Variants in OR2T11 observed in about 807,000 individuals in gnomAD.
The protein encoded by OR2T11 is olfactory receptor 2T11.
In OR2T11, 14 loss-of-function variants were observed where a neutral mutation model predicts 13.5. That is an observed-to-expected ratio of 1.04 (90% CI 0.69 to 1.62). The LOEUF (loss-of-function observed/expected upper bound fraction) is 1.62. OR2T11 is among the 40% of genes most tolerant of loss of function. OR2T11 has a pLI of 0.00. For synonymous variants in OR2T11, 163 were observed against 154.6 expected (o/e 1.05, Z -0.40); for missense variants, 410 against 389.7 (o/e 1.05, Z -0.44).
At position 248,627,288 on chromosome 1, in the gene OR2T11, C is replaced by A; in HGVS notation, c.-144-16G>T. On this transcript the variant is annotated splice_polypyrimidine_tract_variant and intron_variant, in intron 1 of 1. Transcript: ENST00000641193. ...AGGCTAGAGGCTAGAGAAGAACAGG[C>A]AGACCAACATGCACATCATGAAGCA... is the stretch of plus-strand genomic sequence containing the variant. 1.8e-6 allele frequency: 1 copy of A among 568,192 alleles called. No individual in the cohort carries two copies. The highest frequency in any genetic ancestry group is 3.1e-6 in the Non-Finnish European group (1 of 324,274). The allele number at this position is 568,192 out of a possible 1,614,324, so 35.2% of individuals were successfully genotyped here. A position where few individuals can be genotyped will look rare whatever the true frequency, so the allele number is the denominator to read the frequency against.
At position 248,626,740 on chromosome 1, in the gene OR2T11, G is replaced by C. The variant is rs751532393; in HGVS notation, c.389C>G (p.Pro130Arg). ...YVAVCNPLRY[P>R]VLMNRKKCLL... is the part of the protein sequence containing the mutation. ...ACACTTCTTGCGGTTCATCAGGACT[G>C]GGTATCTCAGAGGGTTACAGACAGC... Residue 130 changes from proline to arginine, a missense_variant, in exon 2 of 2, where the codon CCA becomes CGA. By Grantham distance (103) the Pro-to-Arg change is moderately radical (BLOSUM62 -2). Transcript: ENST00000641193. The C allele has an allele frequency of 1.2e-5, 19 of 1,573,072 alleles. 2 individuals are homozygous for C. In the South Asian group the frequency reaches 1.9e-4, roughly 16 times the overall value.
chr1:248,623,689 G>C lies in OR2T11; in HGVS notation c.*2489C>G, dbSNP rs1398337687. ...ACTTTATTCACAAAGGAATAAGTTT[G>C]TAGTAGTAACAGCAGTTGCTGCTGT... On this transcript the variant is annotated 3_prime_UTR_variant, in exon 2 of 2. Transcript: ENST00000641193. 7.0e-6 allele frequency: 1 copy of C among 143,060 alleles called. No individual in the cohort carries two copies. The highest frequency in any genetic ancestry group is 1.5e-5 in the Non-Finnish European group (1 of 66,226). The allele number at this position is 143,060 out of a possible 1,614,324, so 8.9% of individuals were successfully genotyped here.
chr1:248,627,743 G>A lies in OR2T11; in HGVS notation c.-144-471C>T, dbSNP rs1425411411. Among the ~76,000 whole-genome samples, 5 of 142,866 alleles carry A rather than the reference G, an allele frequency of 3.5e-5. 1 individual carries two copies. The highest frequency in any genetic ancestry group is 6.8e-5 in the Admixed American group (1 of 14,674). The allele number at this position is 142,866 out of a possible 152,430, so 93.7% of individuals were successfully genotyped here. Reference sequence around the variant, plus strand: ...TGGAGTCTTGTCTTTTAGGGTAACCGTAAGTCAAATAGCGTAGGTTGTGCT... The same window carrying A: ...TGGAGTCTTGTCTTTTAGGGTAACCATAAGTCAAATAGCGTAGGTTGTGCT... On this transcript the variant is annotated intron_variant, in intron 1 of 1. Transcript: ENST00000641193.
Position 248,629,767 on chromosome 1 carries a change from C to T in OR2T11, c.-144-2495G>A, listed in dbSNP as rs1157341062. Among the ~76,000 whole-genome samples the T allele has an allele frequency of 7.1e-5, 10 of 140,586 alleles. 2 individuals are homozygous for T. The allele number at this position is 140,586 out of a possible 152,430, so 92.2% of individuals were successfully genotyped here. On this transcript the variant is annotated intron_variant, in intron 1 of 1. Transcript: ENST00000641193. The stretch of plus-strand genomic sequence containing the variant: ...GACGGTGGCTTCCTTGTCCTCTGTC[C>T]CCACTTTGCAAGAGCCCTGAGCCCA...
Position 248,626,766 on chromosome 1 carries a change from C to T in OR2T11, c.363G>A (p.Val121=), listed in dbSNP as rs199645456. 1 of 1,571,344 alleles carries T rather than the reference C, an allele frequency of 6.4e-7. No individual in the cohort carries two copies. Among genetic ancestry groups the T allele is most frequent in the Non-Finnish European group, 8.7e-7 (1 of 1,155,670 alleles). ...GGTATCTCAGAGGGTTACAGACAGC[C>T]ACGTAGCAGTCATAGGCCATGAGGC... ...LLGLMAYDCY[V]AVCNPLRYPV... is the part of the protein sequence containing the mutation. Residue 121 remains valine, a synonymous_variant, in exon 2 of 2, where the codon GTG becomes GTA. Transcript: ENST00000641193.
chr1:248,631,344 C>A (rs559439206), intron 1 of OR2T11, among the ~76,000 whole-genome samples: 1 of 143,808 alleles, frequency 7.0e-6, no homozygotes, highest in South Asian at 2.2e-4. Flanking sequence ...AACGTTTCCA[C>A]GTGCTCTTCA....
chr1:248,626,153 G>C lies in OR2T11; in HGVS notation c.*25C>G, dbSNP rs1892441. The C allele has an allele frequency of 0.97, 1,264,084 of 1,301,798 alleles. 621,788 individuals carry two copies. The highest frequency in any genetic ancestry group is 1 in the East Asian group (42,333 of 42,334). The allele number at this position is 1,301,798 out of a possible 1,614,324, so 80.6% of individuals were successfully genotyped here. On this transcript the variant is annotated 3_prime_UTR_variant, in exon 2 of 2. Transcript: ENST00000641193. Reference sequence around the variant, plus strand: ...GGCAAATGGAGGAAGTCCTTAGGAAGCCTTATCCTCTGGGCAGTGACTCTC... The same window carrying C: ...GGCAAATGGAGGAAGTCCTTAGGAACCCTTATCCTCTGGGCAGTGACTCTC...
chr1:248,628,142 C>A (rs28468647), intron 1 of OR2T11, among the ~76,000 whole-genome samples: 112,310 of 141,696 alleles, frequency 0.79, 49,599 homozygotes, highest in South Asian at 0.95. Flanking sequence ...CCAGCACTTA[C>A]CAGAACTGAG....
intron 1 of OR2T11, among the ~76,000 whole-genome samples, chr1:248,630,129 G>T (rs1420210042): frequency 7.0e-6 from 1 of 142,472 alleles, no homozygotes; most frequent in African/African-American, 2.8e-5. Context: ...TGCTTTTTAA[G>T]GAATACCTCT....
rs1660536805 is a variant in OR2T11, at chr1:248,627,084, C to CA, written c.44dup (p.Val16GlyfsTer4). 3 of 1,568,566 alleles carry CA rather than the reference C, an allele frequency of 1.9e-6. 1 individual carries two copies. In the East Asian group the frequency reaches 6.9e-5, roughly 36 times the overall value. ...CAATCCCGGCAGCCTCACTGTTCACCAGAAGCCCCAGGAGGGTGAAGTCAG... is the reference window on the plus strand; with the variant it reads ...CAATCCCGGCAGCCTCACTGTTCACCAAGAAGCCCCAGGAGGGTGAAGTCAG... On this transcript the variant is annotated frameshift_variant, in exon 2 of 2. Coordinates refer to ENST00000641193, the MANE Select transcript of OR2T11 (RefSeq NM_001001964.2). LOFTEE classifies it high-confidence loss of function.
Position 248,634,587 on chromosome 1 carries a change from CTGT to C in OR2T11, c.-145+448_-145+450del, listed in dbSNP as rs1450885387. On this transcript the variant is annotated intron_variant, in intron 1 of 1. Coordinates refer to ENST00000641193, the MANE Select transcript of OR2T11 (RefSeq NM_001001964.2). ...TTTTATCATTTGTGTGTGAATCAGCCTGTTGTTTTAACTAAATAACCTATCGAT... is the reference window on the plus strand; with the variant it reads ...TTTTATCATTTGTGTGTGAATCAGCCTGTTTTAACTAAATAACCTATCGAT... 3.7e-4 allele frequency among the ~76,000 whole-genome samples: 51 copies of C among 139,050 alleles called. 1 individual carries two copies. The highest frequency in any genetic ancestry group is 1.2e-3 in the African/African-American group (41 of 34,866). The allele number at this position is 139,050 out of a possible 152,430, so 91.2% of individuals were successfully genotyped here.
Position 248,626,741 on chromosome 1 carries a change from G to T in OR2T11, c.388C>A (p.Pro130Thr). 6.4e-7 allele frequency: 1 copy of T among 1,573,022 alleles called. No individual in the cohort carries two copies. Among genetic ancestry groups the T allele is most frequent in the Non-Finnish European group, 8.6e-7 (1 of 1,156,784 alleles). Residue 130 changes from proline (P) to threonine (T), a missense_variant, in exon 2 of 2, where the codon CCA becomes ACA. Coordinates refer to ENST00000641193, the MANE Select transcript of OR2T11 (RefSeq NM_001001964.2). ...YVAVCNPLRYPVLMNRKKCLL... is the reference protein window; with the variant it reads ...YVAVCNPLRYTVLMNRKKCLL... Reference sequence around the variant, plus strand: ...CACTTCTTGCGGTTCATCAGGACTGGGTATCTCAGAGGGTTACAGACAGCC... The same window carrying T: ...CACTTCTTGCGGTTCATCAGGACTGTGTATCTCAGAGGGTTACAGACAGCC...
In OR2T11 at chr1:248,626,563, G is replaced by A. The variant is rs779951510; in HGVS notation, c.566C>T (p.Thr189Met). 2.9e-5 allele frequency: 45 copies of A among 1,571,262 alleles called. 6 individuals are homozygous for A. Among genetic ancestry groups the A allele is most frequent in the Middle Eastern group, 1.7e-4 (1 of 5,996 alleles). ...GTACATCAGAGTTTCATACAAGGAC[G>A]TGTCTGCACAGGCCAGTTTCAGAAC... Reference protein sequence around the residue: ...PAVLKLACADTSLYETLMYIC... With the variant: ...PAVLKLACADMSLYETLMYIC... Residue 189 changes from threonine to methionine, a missense_variant, in exon 2 of 2, where the codon ACG becomes ATG. By Grantham distance (81) the Thr-to-Met change is moderately conservative (BLOSUM62 -1). Coordinates refer to ENST00000641193, the MANE Select transcript of OR2T11 (RefSeq NM_001001964.2).
chr1:248,624,076 T>C lies in OR2T11; in HGVS notation c.*2102A>G, dbSNP rs1222954567. 1.4e-5 allele frequency: 2 copies of C among 141,990 alleles called. No individual in the cohort carries two copies. Among genetic ancestry groups the C allele is most frequent in the Non-Finnish European group, 1.5e-5 (1 of 65,926 alleles). 8.8% of individuals were successfully genotyped at this position (141,990 alleles called of 1,614,324 possible). ...CTGACCTCCTGCTATTGTCACTGAG[T>C]TGGCCATGCTCTTACAAAAGTTCAA... On this transcript the variant is annotated 3_prime_UTR_variant, in exon 2 of 2. Transcript: ENST00000641193.
chr1:248,628,658 A>G lies in OR2T11; in HGVS notation c.-144-1386T>C, dbSNP rs1277622876. On this transcript the variant is annotated intron_variant, in intron 1 of 1. Transcript: ENST00000641193. Reference sequence around the variant, plus strand: ...TGCTGAAGTCATATCTGGTTTCACAAAGGTACCAGAATTGTTATGACCTTG... The same window carrying G: ...TGCTGAAGTCATATCTGGTTTCACAGAGGTACCAGAATTGTTATGACCTTG... Among the ~76,000 whole-genome samples the G allele has an allele frequency of 1.4e-5, 2 of 143,372 alleles. 1 individual carries two copies. The highest frequency in any genetic ancestry group is 5.5e-5 in the African/African-American group (2 of 36,418). The allele number at this position is 143,372 out of a possible 152,430, so 94.1% of individuals were successfully genotyped here. A position where few individuals can be genotyped will look rare whatever the true frequency, so the allele number is the denominator to read the frequency against.
rs571242997 is a variant in OR2T11, at chr1:248,624,522, TTTC to T, written c.*1653_*1655del. 117 of 143,580 alleles carry T rather than the reference TTTC, an allele frequency of 8.1e-4. 25 individuals carry two copies. The highest frequency in any genetic ancestry group is 3.0e-3 in the African/African-American group (111 of 36,532). 8.9% of individuals were successfully genotyped at this position (143,580 alleles called of 1,614,324 possible). On this transcript the variant is annotated 3_prime_UTR_variant, in exon 2 of 2. Coordinates refer to ENST00000641193, the MANE Select transcript of OR2T11 (RefSeq NM_001001964.2). ...CTTTCTTTAAACACTTTGTCTTAGA[TTTC>T]TTCTAACCTCATAAAACCCTATCTT...
rs1892443 is a variant in OR2T11 at position 248,626,774 on chromosome 1, A to G, written c.355T>C (p.Cys119Arg). The G allele has an allele frequency of 0.98, 1,535,463 of 1,569,846 alleles. 758,065 individuals carry two copies. The highest frequency in any genetic ancestry group is 1 in the East Asian group (43,585 of 43,586). The part of the protein sequence containing the change: ...FFLLGLMAYD[C>R]YVAVCNPLRY... ...AGAGGGTTACAGACAGCCACGTAGCAGTCATAGGCCATGAGGCCCAGGAGG... is the reference window on the plus strand; with the variant it reads ...AGAGGGTTACAGACAGCCACGTAGCGGTCATAGGCCATGAGGCCCAGGAGG... Residue 119 changes from cysteine (C) to arginine (R), a missense_variant, in exon 2 of 2, where the codon TGC (cysteine) becomes CGC (arginine). By Grantham distance (180) the Cys-to-Arg change is radical (BLOSUM62 -3). Transcript: ENST00000641193.
chr1:248,626,611 T>C lies in OR2T11; in HGVS notation c.518A>G (p.His173Arg). Reference protein sequence around the residue: ...VPYCGSRSINHFFCEIPAVLK... With the variant: ...VPYCGSRSINRFFCEIPAVLK... Reference sequence around the variant, plus strand: ...AACTGCTGGGATCTCACAGAAAAAATGGTTGATACTTCGGGAGCCACAGTA... The same window carrying C: ...AACTGCTGGGATCTCACAGAAAAAACGGTTGATACTTCGGGAGCCACAGTA... Residue 173 changes from histidine to arginine, a missense_variant, in exon 2 of 2, where the codon CAT (histidine) becomes CGT (arginine). Coordinates refer to ENST00000641193, the MANE Select transcript of OR2T11 (RefSeq NM_001001964.2). 2 of 1,572,444 alleles carry C rather than the reference T, an allele frequency of 1.3e-6. No homozygotes were observed. The highest frequency in any genetic ancestry group is 1.7e-6 in the Non-Finnish European group (2 of 1,156,558).
At chr1:248,628,153 G>C (rs563852191) in intron 1 of OR2T11, among the ~76,000 whole-genome samples, 1 of 143,324 alleles carries the variant, frequency 7.0e-6, no homozygotes, top group East Asian at 2.0e-4. Context: ...CAGAACTGAG[G>C]CCAGAGCCAA....
Sources: allele counts gnomAD v4.1 joint callset (sites outside exome capture counted in the v4.1 genomes callset), GRCh38; gene constraint gnomAD v4.1.1; transcripts MANE v1.5; gene names NCBI Gene and HGNC (gene_info 2026-07-23, HGNC 2026-07-21).